EFCAB11: variants seen among roughly 807,000 people sequenced by gnomAD.
EFCAB11 encodes the protein EF-hand calcium binding domain 11.
EFCAB11 carries 14 observed loss-of-function variants against 23.0 expected under a neutral mutation model. The observed-to-expected ratio is 0.61, with a 90% CI of 0.40 to 0.95. The LOEUF (loss-of-function observed/expected upper bound fraction) is 0.95. Ranked by LOEUF, EFCAB11 falls within the 40% of genes least tolerant of loss-of-function variation. The pLI is 0.00. For synonymous variants in EFCAB11, 65 were observed against 66.6 expected (o/e 0.98, Z 0.11); for missense variants, 198 against 195.8 (o/e 1.01, Z -0.07).
intron 1 of EFCAB11, 77 bp downstream of exon 1, chr14:89,954,509 G>C: frequency 1.3e-6 from 2 of 1,579,544 alleles, no homozygotes; most frequent in Non-Finnish European, 1.7e-6. Context: ...GGCAGAGTGA[G>C]ACCCAGACAC....
chr14:89,909,507 G>C (rs541716752), intron 5 of EFCAB11, among the ~76,000 whole-genome samples: 44 of 152,318 alleles, frequency 2.9e-4, no homozygotes, highest in African/African-American at 8.9e-4. Context: ...TTGAAGCCGG[G>C]GGGGCGGACG....
chr14:89,915,539 C>T (rs1206644452), intron 5 of EFCAB11, among the ~76,000 whole-genome samples: 1 of 152,146 alleles, frequency 6.6e-6, no homozygotes, highest in Non-Finnish European at 1.5e-5. Context: ...GCATTTATTT[C>T]ATATTTAATT....
chr14:89,862,766 A>C (rs1401671318), intron 5 of EFCAB11, among the ~76,000 whole-genome samples: 1 of 152,246 alleles, frequency 6.6e-6, no homozygotes, highest in Non-Finnish European at 1.5e-5. Context: ...ACTCTGACTT[A>C]CAAAATAACT....
intron 5 of EFCAB11, among the ~76,000 whole-genome samples, chr14:89,913,253 T>C (rs1889736794): frequency 6.6e-6 from 1 of 152,186 alleles, no homozygotes; most frequent in Non-Finnish European, 1.5e-5. Flanking sequence ...GGCCAAAGTT[T>C]TCATTTTGGT....
chr14:89,872,120 A>T (rs975659491), intron 5 of EFCAB11, among the ~76,000 whole-genome samples: 3 of 152,254 alleles, frequency 2.0e-5, no homozygotes, highest in Non-Finnish European at 4.4e-5. Context: ...AGTCTGTAAC[A>T]GCCTAATTTA....
chr14:89,874,547 A>T (rs1475095725), intron 5 of EFCAB11, among the ~76,000 whole-genome samples: 2 of 152,146 alleles, frequency 1.3e-5, no homozygotes, highest in African/African-American at 2.4e-5. Context: ...CCTTTTAAAT[A>T]TAAGTTCCAA....
chr14:89,883,332 C>G (rs1447313131), intron 5 of EFCAB11, among the ~76,000 whole-genome samples: 1 of 152,138 alleles, frequency 6.6e-6, no homozygotes, highest in South Asian at 2.1e-4. Flanking sequence ...TGCCATTAAG[C>G]TTTGTCAAAA....
At chr14:89,920,570 G>C (rs1250601070) in intron 5 of EFCAB11, among the ~76,000 whole-genome samples, 3 of 152,236 alleles carry the variant, frequency 2.0e-5, no homozygotes, top group South Asian at 2.1e-4. Flanking sequence ...TCCCTCATGT[G>C]TAAAATGGGG....
intron 5 of EFCAB11, among the ~76,000 whole-genome samples, chr14:89,807,848 A>C (rs1258249918): frequency 6.6e-6 from 1 of 152,222 alleles, no homozygotes; most frequent in Non-Finnish European, 1.5e-5. Context: ...TTTTAAAAAC[A>C]ATGTTATCAA....
At chr14:89,864,433 C>CA (rs905457048) in intron 5 of EFCAB11, among the ~76,000 whole-genome samples, 11 of 150,530 alleles carry the variant, frequency 7.3e-5, no homozygotes, top group African/African-American at 2.7e-4. Context: ...TGTTTCCTTC[C>CA]TTTTTTTTTC....
At chr14:89,906,769 G>A (rs1459727714) in intron 5 of EFCAB11, among the ~76,000 whole-genome samples, 2 of 152,116 alleles carry the variant, frequency 1.3e-5, no homozygotes, top group Non-Finnish European at 2.9e-5. Context: ...GGAAAACTGA[G>A]GGAAGGAAAA....
intron 5 of EFCAB11, among the ~76,000 whole-genome samples, chr14:89,880,336 A>G (rs1304035258): frequency 6.6e-6 from 1 of 152,142 alleles, no homozygotes; most frequent in Admixed American, 6.5e-5. Flanking sequence ...GAGTGCCCTG[A>G]TCTTGGACTT....
At chr14:89,835,525 T>A (rs1887044851) in intron 5 of EFCAB11, among the ~76,000 whole-genome samples, 1 of 151,524 alleles carries the variant, frequency 6.6e-6, no homozygotes, top group Non-Finnish European at 1.5e-5. Flanking sequence ...TGGCGTCAGA[T>A]CAGCTCTCAT....
At chr14:89,938,733 C>T (rs1164133928) in intron 3 of EFCAB11, among the ~76,000 whole-genome samples, 1 of 151,826 alleles carries the variant, frequency 6.6e-6, no homozygotes, top group Non-Finnish European at 1.5e-5. Flanking sequence ...ACCAGCCTGG[C>T]CAACATGGTA....
intron 5 of EFCAB11, chr14:89,830,223 A>G (rs1384829325): frequency 1.3e-5 from 2 of 152,306 alleles, no homozygotes; most frequent in East Asian, 3.9e-4. Flanking sequence ...AAAACTTTAA[A>G]TATTTATCCA....
intron 5 of EFCAB11, among the ~76,000 whole-genome samples, chr14:89,904,390 G>C (rs1889432382): frequency 1.3e-5 from 2 of 152,128 alleles, no homozygotes; most frequent in South Asian, 4.1e-4. Flanking sequence ...GGACATATGG[G>C]TTAGTTCCAA....
At chr14:89,906,360 A>G (rs183864897) in intron 5 of EFCAB11, among the ~76,000 whole-genome samples, 1 of 152,252 alleles carries the variant, frequency 6.6e-6, no homozygotes, top group Admixed American at 6.5e-5. Context: ...AACTGAGATA[A>G]TTTAAAATAT....
At chr14:89,933,294 A>C (rs572545534) in intron 3 of EFCAB11, among the ~76,000 whole-genome samples, 3 of 152,332 alleles carry the variant, frequency 2.0e-5, no homozygotes, top group South Asian at 4.1e-4. Flanking sequence ...ACGAATTCTA[A>C]TGTGATCTTT....
chr14:89,928,022 C>T (rs554081881), intron 5 of EFCAB11, among the ~76,000 whole-genome samples: 1 of 152,254 alleles, frequency 6.6e-6, no homozygotes, highest in East Asian at 1.9e-4. Flanking sequence ...CATGCCTGAC[C>T]GTGTTATTCA....
Sources: gnomAD v4.1 joint callset for allele counts (sites outside exome capture counted in the v4.1 genomes callset) on GRCh38, gnomAD v4.1.1 for gene constraint, MANE v1.5 for transcripts, NCBI Gene and HGNC (gene_info 2026-07-23, HGNC 2026-07-21) for gene names.